The following CNTNAP2 variants were observed in gnomAD, a reference collection of about 807,000 sequenced individuals.
The protein encoded by CNTNAP2 is contactin associated protein 2.
CNTNAP2 carries 98 observed loss-of-function variants against 155.2 expected under a neutral mutation model. That is an observed-to-expected ratio of 0.63 (90% CI 0.54 to 0.75). The LOEUF (loss-of-function observed/expected upper bound fraction) is 0.75, where lower values mean the gene tolerates loss of function less well. CNTNAP2 is among the 30% of genes least tolerant of loss of function. The pLI, the probability that CNTNAP2 is intolerant of heterozygous loss-of-function variation, is 0.00. For missense variants in CNTNAP2, 1,727 were observed against 1,688.1 expected (o/e 1.02, Z -0.40); for synonymous variants, 651 against 631.2 (o/e 1.03, Z -0.47).
At chr7:146,268,741 T>C (rs1292573604) in intron 1 of CNTNAP2, among the ~76,000 whole-genome samples, 1 of 152,246 alleles carries the variant, frequency 6.6e-6, no homozygotes, top group African/African-American at 2.4e-5. Context: ...TAGCTCACAT[T>C]CTTTCAAGAG....
At chr7:147,293,115 C>T (rs1479497590) in intron 8 of CNTNAP2, among the ~76,000 whole-genome samples, 4 of 152,110 alleles carry the variant, frequency 2.6e-5, no homozygotes, top group African/African-American at 9.7e-5. Flanking sequence ...TCATGACATA[C>T]GATCTCCCCA....
intron 16 of CNTNAP2, among the ~76,000 whole-genome samples, chr7:148,130,345 A>C (rs1299176968): frequency 6.6e-6 from 1 of 152,254 alleles, no homozygotes; most frequent in African/African-American, 2.4e-5. Context: ...GGCAGCTGGA[A>C]CATAGATGTG....
At chr7:148,061,565 G>T (rs1215510036) in intron 15 of CNTNAP2, among the ~76,000 whole-genome samples, 1 of 151,866 alleles carries the variant, frequency 6.6e-6, no homozygotes, top group Non-Finnish European at 1.5e-5. Flanking sequence ...ATGTCGGCCA[G>T]GCCTATCTCA....
chr7:146,399,554 T>C (rs759862867), intron 1 of CNTNAP2, among the ~76,000 whole-genome samples: 1 of 152,218 alleles, frequency 6.6e-6, no homozygotes, highest in East Asian at 1.9e-4. Context: ...ATACCACATT[T>C]TCTCCATCTG....
chr7:146,289,940 G>T (rs2129086421), intron 1 of CNTNAP2, among the ~76,000 whole-genome samples: 1 of 152,118 alleles, frequency 6.6e-6, no homozygotes, highest in East Asian at 1.9e-4. Flanking sequence ...TTTCTCTTAT[G>T]CTTGGTTATT....
At chr7:146,976,388 C>T (rs1015252538) in intron 3 of CNTNAP2, among the ~76,000 whole-genome samples, 1 of 152,150 alleles carries the variant, frequency 6.6e-6, no homozygotes. Flanking sequence ...CCCTCCACTT[C>T]CCATGCCAGT....
chr7:147,104,873 CATATATATATATATATAT>C (rs56674675), intron 4 of CNTNAP2, among the ~76,000 whole-genome samples: 4,183 of 101,406 alleles, frequency 0.041, 242 homozygotes, highest in African/African-American at 0.12. Flanking sequence ...CTTCCTCCCT[CATATATATATATATATAT>C]ATATATATAT....
At chr7:148,036,584 C>T (rs1802577769) in intron 15 of CNTNAP2, among the ~76,000 whole-genome samples, 1 of 152,004 alleles carries the variant, frequency 6.6e-6, no homozygotes, top group South Asian at 2.1e-4. Context: ...TCTTGGATGT[C>T]CCAGGCTCCA....
chr7:147,248,157 T>C (rs1361485024), intron 8 of CNTNAP2, among the ~76,000 whole-genome samples: 1 of 152,142 alleles, frequency 6.6e-6, no homozygotes, highest in Non-Finnish European at 1.5e-5. Flanking sequence ...CCGAAAAGGT[T>C]ATAGGATTTA....
intron 1 of CNTNAP2, among the ~76,000 whole-genome samples, chr7:146,174,372 G>A (rs1317036965): frequency 6.6e-6 from 1 of 151,918 alleles, no homozygotes; most frequent in African/African-American, 2.4e-5. Context: ...CAGGAGCAGT[G>A]GCCACACCTG....
chr7:146,890,303 C>T (rs17170290), intron 3 of CNTNAP2, among the ~76,000 whole-genome samples: 4,304 of 152,242 alleles, frequency 0.028, 99 homozygotes, highest in Middle Eastern at 0.082. Flanking sequence ...AAGCTGGTAT[C>T]GCTGTCCTGA....
At chr7:147,702,669 T>G (rs1164028643) in intron 13 of CNTNAP2, among the ~76,000 whole-genome samples, 2 of 151,952 alleles carry the variant, frequency 1.3e-5, no homozygotes, top group South Asian at 4.2e-4. Flanking sequence ...GATGGAGTGT[T>G]AATTGGTGAT....
intron 13 of CNTNAP2, among the ~76,000 whole-genome samples, chr7:147,642,659 T>G (rs1795299213): frequency 6.6e-6 from 1 of 152,196 alleles, no homozygotes; most frequent in Admixed American, 6.6e-5. Context: ...AGATACCCCT[T>G]TCACGAGAAA....
At chr7:147,185,626 A>G (rs1287730530) in intron 8 of CNTNAP2, among the ~76,000 whole-genome samples, 1 of 152,206 alleles carries the variant, frequency 6.6e-6, no homozygotes, top group East Asian at 1.9e-4. Flanking sequence ...TTAAGCAACA[A>G]CTTTAAAAAA....
At chr7:148,130,829 A>G (rs1204182024) in intron 16 of CNTNAP2, among the ~76,000 whole-genome samples, 3 of 152,100 alleles carry the variant, frequency 2.0e-5, no homozygotes, top group African/African-American at 7.2e-5. Context: ...TTGCATCTTG[A>G]TTTATAATAT....
At position 146,133,457 on chromosome 7, in the gene CNTNAP2, CT is replaced by C. The variant is rs551041119; in HGVS notation, c.97+16488del. On this transcript the variant is annotated intron_variant, in intron 1 of 23. Coordinates refer to ENST00000361727, the MANE Select transcript of CNTNAP2 (RefSeq NM_014141.6). ...TCAATTTTGGCTTTTGTTGCCCTTG[CT>C]TTTGGTGTTTTAGACATGAAGTCCT... is the stretch of plus-strand genomic sequence containing the variant. Among the ~76,000 whole-genome samples, 231 of 152,186 alleles carry C rather than the reference CT, an allele frequency of 1.5e-3. 1 individual carries two copies. The highest frequency in any genetic ancestry group is 5.5e-3 in the African/African-American group (227 of 41,504).
intron 16 of CNTNAP2, among the ~76,000 whole-genome samples, chr7:148,137,979 A>ATT (rs1804993392): frequency 6.6e-6 from 1 of 152,200 alleles, no homozygotes; most frequent in African/African-American, 2.4e-5. Context: ...CTCTGAAGTC[A>ATT]TATCAAGGTG....
At chr7:146,514,284 G>C (rs1369955835) in intron 1 of CNTNAP2, among the ~76,000 whole-genome samples, 1 of 151,950 alleles carries the variant, frequency 6.6e-6, no homozygotes, top group Non-Finnish European at 1.5e-5. Context: ...CTCTGGGTTT[G>C]CAAAGTTTTC....
intron 1 of CNTNAP2, among the ~76,000 whole-genome samples, chr7:146,663,797 A>G (rs936166167): frequency 1.3e-5 from 2 of 152,204 alleles, no homozygotes; most frequent in Non-Finnish European, 2.9e-5. Flanking sequence ...TCTACTGTGA[A>G]TAAAGAAAAT....
Sources: gnomAD v4.1 joint callset for allele counts (sites outside exome capture counted in the v4.1 genomes callset) on GRCh38, gnomAD v4.1.1 for gene constraint, MANE v1.5 for transcripts, NCBI Gene and HGNC (gene_info 2026-07-23, HGNC 2026-07-21) for gene names.